KIF17: variants seen among roughly 807,000 people sequenced by gnomAD.
The protein encoded by KIF17 is kinesin-like protein KIF17.
Under a neutral mutation model 96.8 loss-of-function variants are expected in KIF17, and 80 were observed. That is an observed-to-expected ratio of 0.83 (90% confidence interval 0.69 to 1.00). KIF17 has a LOEUF of 1.00. KIF17 is among the 50% of genes least tolerant of loss of function. The probability of loss-of-function intolerance (pLI) is 0.00; values close to 1 mark genes in which losing one functional copy is unlikely to be tolerated. For missense variants in KIF17, 1,280 were observed against 1,372.9 expected (o/e 0.93, Z 1.07); for synonymous variants, 567 against 587.5 (o/e 0.97, Z 0.51).
chr1:20,693,390 G>A (rs1390418267), intron 6 of KIF17, among the ~76,000 whole-genome samples: 5 of 151,194 alleles, frequency 3.3e-5, no homozygotes, highest in Non-Finnish European at 5.9e-5. Flanking sequence ...TCAGCCTCCC[G>A]AGAAGCTGGG....
chr1:20,665,219 C>CTTT (rs59635021), intron 14 of KIF17, among the ~76,000 whole-genome samples: 2,129 of 61,272 alleles, frequency 0.035, 134 homozygotes, highest in South Asian at 0.036. Flanking sequence ...CAAATTTGCT[C>CTTT]TTTTTTTTTT....
intron 3 of KIF17, among the ~76,000 whole-genome samples, chr1:20,712,542 T>TAGATATTATCTATATTATATA: frequency 8.5e-6 from 1 of 117,238 alleles, no homozygotes; most frequent in African/African-American, 3.2e-5. Context: ...TATATCTATA[T>TAGATATTATCTATATTATATA]TATAGATATT....
At position 20,684,950 on chromosome 1, in the gene KIF17, G is replaced by A. The variant is rs1198742909; in HGVS notation, c.2090C>T (p.Ala697Val). ...RTAEPGVWLE[A>V]QAPVALVAQP... is the part of the protein sequence containing the mutation. ...AGCCACCAGGGCCACCGGGGCCTGA[G>A]CCTCCAACCACACGCCAGGCTCTGC... The change falls in exon 10 of 15, where the codon GCT (alanine) becomes GTT (valine). Residue 697 changes from alanine to valine, a missense_variant. Ala to Val is a moderately conservative substitution (Grantham distance 64). Transcript: ENST00000400463. The A allele has an allele frequency of 6.2e-7, 1 of 1,604,220 alleles. No homozygotes were observed. Among genetic ancestry groups the A allele is most frequent in the African/African-American group, 1.3e-5 (1 of 74,800 alleles).
chr1:20,710,450 G>A (rs953961850), intron 3 of KIF17, among the ~76,000 whole-genome samples: 3 of 152,220 alleles, frequency 2.0e-5, no homozygotes, highest in Non-Finnish European at 4.4e-5. Flanking sequence ...CCCTCAGGGC[G>A]ATGGCAGCAG....
chr1:20,693,158 G>A (rs2054072447), intron 6 of KIF17: 1 of 151,950 alleles, frequency 6.6e-6, no homozygotes, highest in South Asian at 2.1e-4. Context: ...CTCCTTGGAA[G>A]AGAATCTCCT....
At chr1:20,703,118 T>A (rs2054266535) in intron 5 of KIF17, among the ~76,000 whole-genome samples, 1 of 151,394 alleles carries the variant, frequency 6.6e-6, no homozygotes, top group South Asian at 2.1e-4. Flanking sequence ...GATGGGTAGA[T>A]AAAATGAATG....
intron 6 of KIF17, among the ~76,000 whole-genome samples, chr1:20,697,108 T>C (rs1477966252): frequency 6.6e-6 from 1 of 152,096 alleles, no homozygotes; most frequent in Non-Finnish European, 1.5e-5. Flanking sequence ...AGGACAGAGA[T>C]CTCCACAGTC....
At position 20,685,332 on chromosome 1, in the gene KIF17, T is replaced by C. The variant is rs1450622531; in HGVS notation, c.2020-312A>G. On this transcript the variant is annotated intron_variant, in intron 9 of 14. Transcript: ENST00000400463. This position sits in a 1 kb window ranked among gnomAD's most constrained non-coding sequence, Gnocchi z 4.1. ...CACATCCCGTTCCCGATGAGCCCCATGTGACTTCCCGTCACGTTCGCAGGA... is the reference window on the plus strand; with the variant it reads ...CACATCCCGTTCCCGATGAGCCCCACGTGACTTCCCGTCACGTTCGCAGGA... 1.9e-6 allele frequency: 1 copy of C among 535,490 alleles called. No homozygotes were observed. Among genetic ancestry groups the C allele is most frequent in the Non-Finnish European group, 3.6e-6 (1 of 280,856 alleles). The allele number at this position is 535,490 out of a possible 1,614,324, so 33.2% of individuals were successfully genotyped here. A position where few individuals can be genotyped will look rare whatever the true frequency, so the allele number is the denominator to read the frequency against.
chr1:20,698,226 G>A (rs746936864), intron 6 of KIF17, among the ~76,000 whole-genome samples, 153 bp downstream of exon 6: 7 of 152,252 alleles, frequency 4.6e-5, no homozygotes, highest in South Asian at 4.1e-4. Flanking sequence ...CCTTGGGCAA[G>A]TCCTGGCATC....
Position 20,682,824 on chromosome 1 carries a change from C to T in KIF17, c.2292G>A (p.Lys764=). 1 of 1,612,644 alleles carries T rather than the reference C, an allele frequency of 6.2e-7. No homozygotes were observed. The highest frequency in any genetic ancestry group is 8.5e-7 in the Non-Finnish European group (1 of 1,180,038). ...AGCGCTTGCGCCGCTTGTGCTTCTC[C>T]TTCAGGTCCTTGTTCTTGGCCTGCT... The part of the protein sequence containing the change: ...GGEQAKNKDL[K]EKHKRRKRYA... Residue 764 remains lysine (K), a synonymous_variant, in exon 11 of 15, where the codon AAG becomes AAA. Coordinates refer to ENST00000400463, the MANE Select transcript of KIF17 (RefSeq NM_001122819.3).
intron 6 of KIF17, 119 bp downstream of exon 6, chr1:20,698,260 G>A: frequency 4.1e-6 from 3 of 736,470 alleles, no homozygotes; most frequent in East Asian, 2.6e-5. Context: ...GCTTTCTCAG[G>A]ACCAAACCCA....
At position 20,684,853 on chromosome 1, in the gene KIF17, A is replaced by G. The variant is rs12028811; in HGVS notation, c.2187T>C (p.Thr729=). ...ESVGMEVAVL[T]DDPLPVVDQQ... ...GGTCCACAACGGGCAGCGGGTCATCAGTCAGCACTGCCACCTCCATGCCCA... is the reference window on the plus strand; with the variant it reads ...GGTCCACAACGGGCAGCGGGTCATCGGTCAGCACTGCCACCTCCATGCCCA... The change falls in exon 10 of 15, where the codon ACT becomes ACC. Residue 729 remains threonine, a synonymous_variant. Transcript: ENST00000400463. The G allele has an allele frequency of 0.11, 179,605 of 1,595,190 alleles. 13,059 individuals are homozygous for G. The highest frequency in any genetic ancestry group is 0.31 in the East Asian group (13,594 of 43,548).
At chr1:20,665,219 CTTTTTTTTT>C (rs59635021) in intron 14 of KIF17, among the ~76,000 whole-genome samples, 3 of 61,256 alleles carry the variant, frequency 4.9e-5, no homozygotes, top group Non-Finnish European at 8.0e-5. Flanking sequence ...CAAATTTGCT[CTTTTTTTTT>C]TTTTTTTTTT....
chr1:20,717,847 G>A lies in KIF17; in HGVS notation c.-141C>T. On this transcript the variant is annotated 5_prime_UTR_variant, in exon 1 of 15. Coordinates refer to ENST00000400463, the MANE Select transcript of KIF17 (RefSeq NM_001122819.3). ...CAGGGGCGGGGCCGCGGCGGGGGGC[G>A]GGGACCCCTCGGGGGGCGCCCCGGA... The A allele has an allele frequency of 1.4e-6, 1 of 701,480 alleles. No individual in the cohort carries two copies. The highest frequency in any genetic ancestry group is 1.8e-6 in the Non-Finnish European group (1 of 571,002). 43.5% of individuals were successfully genotyped at this position (701,480 alleles called of 1,614,324 possible).
At chr1:20,697,115 A>G (rs1205075413) in intron 6 of KIF17, among the ~76,000 whole-genome samples, 1 of 152,190 alleles carries the variant, frequency 6.6e-6, no homozygotes, top group Non-Finnish European at 1.5e-5. Flanking sequence ...AGATCTCCAC[A>G]GTCCTTCTCC....
At chr1:20,708,655 C>T (rs918855878) in intron 4 of KIF17, among the ~76,000 whole-genome samples, 10 of 152,204 alleles carry the variant, frequency 6.6e-5, no homozygotes, top group African/African-American at 1.9e-4. Flanking sequence ...CAATTAGCGG[C>T]GGTGAGACCT....
rs201561780 is a variant in KIF17 at position 20,717,548 on chromosome 1, G to C, written c.159C>G (p.Thr53=). ...GAADEPPKQF[T]FDGAYHVDHV... Reference sequence around the variant, plus strand: ...GGTCCACGTGGTAGGCGCCGTCGAAGGTGAACTGCTTGGGCGGCTCGTCGG... The same window carrying C: ...GGTCCACGTGGTAGGCGCCGTCGAACGTGAACTGCTTGGGCGGCTCGTCGG... Residue 53 remains threonine (T), a synonymous_variant, in exon 1 of 15, where the codon ACC becomes ACG. Transcript: ENST00000400463. 6.2e-7 allele frequency: 1 copy of C among 1,612,070 alleles called. No individual in the cohort carries two copies. The highest frequency in any genetic ancestry group is 1.7e-5 in the Admixed American group (1 of 59,998).
At chr1:20,686,991 C>T (rs1242884860) in intron 8 of KIF17, among the ~76,000 whole-genome samples, 1 of 152,072 alleles carries the variant, frequency 6.6e-6, no homozygotes, top group African/African-American at 2.4e-5. Context: ...TTCCCACAGA[C>T]CCCCCACCCA....
At chr1:20,697,082 C>T (rs2054155444) in intron 6 of KIF17, among the ~76,000 whole-genome samples, 1 of 151,604 alleles carries the variant, frequency 6.6e-6, no homozygotes, top group African/African-American at 2.4e-5. Context: ...GGATTTCTCC[C>T]ACGCCTCCGG....
Sources: gnomAD v4.1 joint callset for allele counts (sites outside exome capture counted in the v4.1 genomes callset) on GRCh38, gnomAD v4.1.1 for gene constraint, Gnocchi (gnomAD v3.1) non-coding constraint, MANE v1.5 for transcripts, NCBI Gene and HGNC (gene_info 2026-07-23, HGNC 2026-07-21) for gene names.